Variants in GALNT13 observed in about 807,000 individuals in gnomAD.
GALNT13 encodes UDP-GalNAc:polypeptide N-acetylgalactosaminyltransferase 13.
Under a neutral mutation model 64.2 loss-of-function variants are expected in GALNT13, and 28 were observed. The ratio of observed to expected loss-of-function variants is 0.44; its 90% CI spans 0.32 to 0.60. The LOEUF (loss-of-function observed/expected upper bound fraction) is 0.60. Ranked by LOEUF, GALNT13 falls within the 20% of genes least tolerant of loss-of-function variation. The pLI, the probability that GALNT13 is intolerant of heterozygous loss-of-function variation, is 0.05. For synonymous variants in GALNT13, 214 were observed against 224.6 expected (o/e 0.95, Z 0.42); for missense variants, 577 against 669.8 (o/e 0.86, Z 1.53).
chr2:153,684,596 C>T, the GALNT13 span, among the ~76,000 whole-genome samples: 143 of 151,698 alleles, frequency 9.4e-4, no homozygotes, highest in Middle Eastern at 0.014. Flanking sequence ...GTGTTTATTC[C>T]TGATTGATTT....
the GALNT13 span, among the ~76,000 whole-genome samples, chr2:153,772,867 C>T: frequency 2.6e-5 from 4 of 152,148 alleles, no homozygotes; most frequent in Non-Finnish European, 5.9e-5. Flanking sequence ...GCAGGCAGGG[C>T]TTGTTTTAGG....
intron 1 of GALNT13, among the ~76,000 whole-genome samples, chr2:153,898,503 A>C (rs1019188305): frequency 6.6e-6 from 1 of 152,120 alleles, no homozygotes; most frequent in Non-Finnish European, 1.5e-5. Context: ...ATGTATCATA[A>C]TTATTTTATT....
At chr2:153,302,314 A>AT in the GALNT13 span, among the ~76,000 whole-genome samples, 41 of 151,892 alleles carry the variant, frequency 2.7e-4, no homozygotes, top group African/African-American at 8.9e-4. Flanking sequence ...TATATTGAGC[A>AT]TTTTTTTTAC....
At chr2:153,250,040 A>T in the GALNT13 span, among the ~76,000 whole-genome samples, 1 of 152,236 alleles carries the variant, frequency 6.6e-6, no homozygotes, top group Non-Finnish European at 1.5e-5. Context: ...GACAAATGGG[A>T]TCTAATTAAG....
intron 3 of GALNT13, among the ~76,000 whole-genome samples, chr2:154,000,855 C>A (rs1005524354): frequency 5.9e-5 from 9 of 151,854 alleles, no homozygotes; most frequent in Admixed American, 1.3e-4. Flanking sequence ...TGATTTTCTA[C>A]CTGAATGATC....
the GALNT13 span, among the ~76,000 whole-genome samples, chr2:153,580,517 T>C: frequency 7.2e-5 from 11 of 151,938 alleles, no homozygotes; most frequent in African/African-American, 2.4e-4. Flanking sequence ...GAGAAATAAG[T>C]TTTTTCTAAA....
intron 3 of GALNT13, among the ~76,000 whole-genome samples, chr2:154,094,857 C>G (rs1701999248): frequency 6.6e-6 from 1 of 151,808 alleles, no homozygotes; most frequent in South Asian, 2.1e-4. Flanking sequence ...AGTCCTAATT[C>G]ATGTGTTGGA....
intron 2 of GALNT13, among the ~76,000 whole-genome samples, chr2:153,935,679 A>G (rs1278114822): frequency 2.0e-5 from 3 of 152,354 alleles, no homozygotes. Flanking sequence ...TCTGTTTCAT[A>G]GCACTTGGAA....
the GALNT13 span, among the ~76,000 whole-genome samples, chr2:153,306,200 G>A: frequency 5.3e-5 from 8 of 152,150 alleles, no homozygotes; most frequent in Admixed American, 3.3e-4. Flanking sequence ...ACACTGCTGG[G>A]TCGTTTCCTG....
the GALNT13 span, among the ~76,000 whole-genome samples, chr2:153,629,414 A>G: frequency 3.3e-5 from 5 of 151,956 alleles, no homozygotes; most frequent in African/African-American, 1.2e-4. Flanking sequence ...TCCCTATTTA[A>G]TAAATGGTGC....
chr2:153,505,780 C>A, the GALNT13 span, among the ~76,000 whole-genome samples: 2 of 152,116 alleles, frequency 1.3e-5, no homozygotes, highest in African/African-American at 2.4e-5. Context: ...CCTTATCATG[C>A]GGTCTATCTT....
chr2:154,317,575 T>C (rs1694393315), intron 9 of GALNT13, among the ~76,000 whole-genome samples: 1 of 152,118 alleles, frequency 6.6e-6, no homozygotes, highest in Non-Finnish European at 1.5e-5. Flanking sequence ...ATAGACTATA[T>C]TAAAATGGAA....
At chr2:153,460,445 C>T in the GALNT13 span, among the ~76,000 whole-genome samples, 1 of 151,996 alleles carries the variant, frequency 6.6e-6, no homozygotes, top group Non-Finnish European at 1.5e-5. Context: ...CACGATTAGA[C>T]CTTTAGATAG....
chr2:153,346,268 T>C, the GALNT13 span, among the ~76,000 whole-genome samples: 4 of 152,152 alleles, frequency 2.6e-5, no homozygotes, highest in African/African-American at 9.7e-5. Context: ...TACATGGAAA[T>C]TACCAAATCT....
the GALNT13 span, among the ~76,000 whole-genome samples, chr2:153,471,460 C>A: frequency 6.6e-6 from 1 of 152,122 alleles, no homozygotes; most frequent in Non-Finnish European, 1.5e-5. Flanking sequence ...AAGGAATTTA[C>A]AACCTTCCAC....
intron 4 of GALNT13, among the ~76,000 whole-genome samples, chr2:154,146,472 C>A (rs554319469): frequency 6.6e-6 from 1 of 151,926 alleles, no homozygotes; most frequent in Non-Finnish European, 1.5e-5. Context: ...ATAAAATTGA[C>A]AATTTTAACT....
intron 4 of GALNT13, among the ~76,000 whole-genome samples, chr2:154,230,442 C>T (rs1055128317): frequency 1.3e-5 from 2 of 152,020 alleles, no homozygotes; most frequent in Non-Finnish European, 2.9e-5. Flanking sequence ...ACAACAAAGG[C>T]CACAACATTT....
intron 3 of GALNT13, among the ~76,000 whole-genome samples, chr2:153,985,496 G>C (rs1694740081): frequency 6.6e-6 from 1 of 151,920 alleles, no homozygotes; most frequent in African/African-American, 2.4e-5. Flanking sequence ...ATAGGACTGT[G>C]AGTGACTGGA....
At chr2:153,696,670 C>A in the GALNT13 span, among the ~76,000 whole-genome samples, 1 of 152,264 alleles carries the variant, frequency 6.6e-6, no homozygotes, top group Middle Eastern at 3.4e-3. Flanking sequence ...TCTCTCTCTT[C>A]TCTATCAATC....
Sources: allele counts gnomAD v4.1 joint callset (sites outside exome capture counted in the v4.1 genomes callset), GRCh38; gene constraint gnomAD v4.1.1; transcripts MANE v1.5; gene names NCBI Gene and HGNC (gene_info 2026-07-23, HGNC 2026-07-21).